SIK3: variants seen among roughly 807,000 people sequenced by gnomAD.
The protein encoded by SIK3 is SIK family kinase 3.
A neutral mutation model predicts 144.2 loss-of-function variants in SIK3; 28 were observed. That is an observed-to-expected ratio of 0.19 (90% confidence interval 0.14 to 0.27). SIK3 has a LOEUF of 0.27. SIK3 is among the 10% of genes least tolerant of loss of function. The pLI, the probability that SIK3 is intolerant of heterozygous loss-of-function variation, is 1.00. For missense variants in SIK3, 1,319 were observed against 1,776.0 expected, an observed-to-expected ratio of 0.74 and a Z score of 4.62; for synonymous variants, 686 against 676.3, an observed-to-expected ratio of 1.01 and a Z score of -0.22.
intron 1 of SIK3, among the ~76,000 whole-genome samples, chr11:117,056,976 G>T (rs1444438976): frequency 6.6e-6 from 1 of 152,182 alleles, no homozygotes; most frequent in East Asian, 1.9e-4. Context: ...TATTTCTATA[G>T]TTTATTTTTT....
At chr11:116,870,510 A>G (rs2134504875) in intron 13 of SIK3, 109 bp from the exon 14 acceptor site, 1 of 1,479,956 alleles carries the variant, frequency 6.8e-7, no homozygotes, top group East Asian at 2.3e-5. Flanking sequence ...TCTTATTTAC[A>G]GAACTTTTCT....
intron 3 of SIK3, among the ~76,000 whole-genome samples, chr11:116,950,699 T>C (rs73592285): frequency 0.093 from 14,149 of 152,264 alleles, 1,335 homozygotes; most frequent in African/African-American, 0.24. Context: ...AAATGAAATG[T>C]TGTCCGATTC....
chr11:116,868,012 C>T lies in SIK3; in HGVS notation c.1886G>A (p.Arg629Gln), dbSNP rs745814303. ...ACGGAAAGGCTGCTGTCCTAGCTGC[C>T]GTTGTAGGTCCGGTGGGATCTCAGC... is the stretch of plus-strand genomic sequence containing the variant. ...PTAEIPPDLQ[R>Q]QLGQQPFRSR... The change falls in exon 15 of 25, where the codon CGG (arginine) becomes CAG (glutamine). Residue 629 changes from arginine (R) to glutamine (Q), a missense_variant. Arg to Gln is a conservative substitution (Grantham distance 43). Around this residue, in one of 8 missense-constraint regions of SIK3, gnomAD observed 167 missense variants for 263.3 expected, o/e 0.63. Transcript: ENST00000445177. The T allele has an allele frequency of 1.8e-5, 28 of 1,550,438 alleles. 1 individual carries two copies. Among genetic ancestry groups the T allele is most frequent in the South Asian group, 5.9e-5 (5 of 84,060 alleles).
At chr11:116,886,437 A>C (rs1944823103) in intron 6 of SIK3, among the ~76,000 whole-genome samples, 1 of 152,190 alleles carries the variant, frequency 6.6e-6, no homozygotes. Context: ...ATCAGGGCAG[A>C]GTTGTTTGCC....
At chr11:116,950,197 T>A (rs1487768394) in intron 3 of SIK3, 1 of 469,982 alleles carries the variant, frequency 2.1e-6, no homozygotes, top group Admixed American at 2.4e-5. Flanking sequence ...ACTGCACTTC[T>A]CCAGGACTCA....
chr11:117,033,040 A>C (rs1952331798), intron 1 of SIK3, among the ~76,000 whole-genome samples: 1 of 152,206 alleles, frequency 6.6e-6, no homozygotes, highest in African/African-American at 2.4e-5. Context: ...GCCTTAGTGC[A>C]GGACTTAAAA....
intron 1 of SIK3, among the ~76,000 whole-genome samples, chr11:117,060,750 A>G (rs997758179): frequency 6.6e-6 from 1 of 152,214 alleles, no homozygotes; most frequent in African/African-American, 2.4e-5. Context: ...AACTCTTACA[A>G]ATGTGCAACA....
At chr11:117,085,433 T>C (rs1166339290) in intron 1 of SIK3, among the ~76,000 whole-genome samples, 1 of 151,696 alleles carries the variant, frequency 6.6e-6, no homozygotes, top group Non-Finnish European at 1.5e-5. Flanking sequence ...AGCCCTGGGG[T>C]TTGGTTTTGT....
At chr11:117,094,603 G>A (rs910622400) in intron 1 of SIK3, among the ~76,000 whole-genome samples, 2 of 151,882 alleles carry the variant, frequency 1.3e-5, no homozygotes, top group Non-Finnish European at 2.9e-5. Context: ...GTAAGACCCT[G>A]CCCCAATATT....
chr11:116,920,915 C>T (rs1243904168), intron 4 of SIK3, among the ~76,000 whole-genome samples: 2 of 152,196 alleles, frequency 1.3e-5, no homozygotes, highest in Non-Finnish European at 2.9e-5. Flanking sequence ...TTAGACTGTA[C>T]AATTAATGTG....
chr11:116,924,693 C>A (rs1034944777), intron 4 of SIK3, among the ~76,000 whole-genome samples: 1 of 152,142 alleles, frequency 6.6e-6, no homozygotes, highest in African/African-American at 2.4e-5. Context: ...TCCCTCCTTC[C>A]CCACCCCAAC....
intron 3 of SIK3, among the ~76,000 whole-genome samples, chr11:116,931,786 T>C (rs963740062): frequency 6.6e-6 from 1 of 152,164 alleles, no homozygotes; most frequent in Non-Finnish European, 1.5e-5. Context: ...AAACGCTTCT[T>C]TCCAAAAAAG....
At chr11:117,041,324 T>C (rs758980755) in intron 1 of SIK3, among the ~76,000 whole-genome samples, 10 of 152,122 alleles carry the variant, frequency 6.6e-5, no homozygotes, top group Non-Finnish European at 2.9e-5. Flanking sequence ...AACTGTATGG[T>C]AGTCACATAA....
chr11:117,081,718 T>A (rs1362098035), intron 1 of SIK3, among the ~76,000 whole-genome samples: 3 of 152,166 alleles, frequency 2.0e-5, no homozygotes, highest in African/African-American at 7.2e-5. Flanking sequence ...AAGTACAGAA[T>A]GAGCACAGAG....
intron 2 of SIK3, among the ~76,000 whole-genome samples, chr11:116,956,357 A>C (rs1157105843): frequency 6.6e-6 from 1 of 151,918 alleles, no homozygotes; most frequent in Non-Finnish European, 1.5e-5. Flanking sequence ...AAACTAAAAT[A>C]GAAATCTCTC....
At chr11:117,067,520 G>A (rs957441572) in intron 1 of SIK3, among the ~76,000 whole-genome samples, 2 of 152,130 alleles carry the variant, frequency 1.3e-5, no homozygotes, top group Non-Finnish European at 2.9e-5. Flanking sequence ...AGTGGAGGAG[G>A]ATGAGAATGA....
intron 1 of SIK3, among the ~76,000 whole-genome samples, chr11:117,002,775 T>A (rs1022032786): frequency 1.3e-5 from 2 of 152,256 alleles, no homozygotes; most frequent in Non-Finnish European, 2.9e-5. Flanking sequence ...GAGGAAGGCT[T>A]GTCATCTGAC....
intron 2 of SIK3, among the ~76,000 whole-genome samples, 197 bp downstream of exon 2, chr11:116,956,751 C>T (rs1949152951): frequency 1.3e-5 from 2 of 152,044 alleles, no homozygotes; most frequent in African/African-American, 4.8e-5. Flanking sequence ...GTAAGGAAAA[C>T]GTACTAGTAA....
chr11:117,087,987 C>T (rs908326240), intron 1 of SIK3, among the ~76,000 whole-genome samples: 4 of 152,098 alleles, frequency 2.6e-5, no homozygotes, highest in Non-Finnish European at 5.9e-5. Context: ...CCCAACACTT[C>T]GGGAAGCCAA....
Sources: allele counts gnomAD v4.1 joint callset (sites outside exome capture counted in the v4.1 genomes callset), GRCh38; gene constraint gnomAD v4.1.1; regional missense constraint gnomAD v4.1.1; transcripts MANE v1.5; gene names NCBI Gene and HGNC (gene_info 2026-07-23, HGNC 2026-07-21).